Variants in ANK2 observed in about 807,000 individuals in gnomAD.
The protein encoded by ANK2 is ankyrin 2, also known as ankyrin-2.
ANK2 carries 83 observed loss-of-function variants against 360.5 expected under a neutral mutation model. That is an observed-to-expected ratio of 0.23 (90% CI 0.19 to 0.28). ANK2 has a LOEUF of 0.28. Among genes scored for constraint, ANK2 ranks in the 10% least tolerant of loss-of-function variants. ANK2 has a pLI of 1.00. For missense variants in ANK2, 4,201 were observed against 4,795.7 expected, an observed-to-expected ratio of 0.88 and a Z score of 3.66; for synonymous variants, 1,740 against 1,759.5, an observed-to-expected ratio of 0.99 and a Z score of 0.28.
rs183690294 is a variant in ANK2 at position 113,282,992 on chromosome 4, A to G, written c.2079+120A>G. 6.6e-5 allele frequency: 74 copies of G among 1,125,228 alleles called. No homozygotes were observed. In the African/African-American group the frequency reaches 9.7e-4, roughly 15 times the overall value. The allele number at this position is 1,125,228 out of a possible 1,614,324, so 69.7% of individuals were successfully genotyped here. A position where few individuals can be genotyped will look rare whatever the true frequency, so the allele number is the denominator to read the frequency against. On this transcript the variant is annotated intron_variant, in intron 18 of 45. Transcript: ENST00000357077. ...TTAAAAAGAAACAGGGATATCTTAC[A>G]GACCCCAAGGACAGGAAGGGAGTCA...
chr4:112,990,190 G>T (rs1169607418), intron 2 of ANK2, among the ~76,000 whole-genome samples: 11 of 152,108 alleles, frequency 7.2e-5, no homozygotes, highest in Admixed American at 7.2e-4. Context: ...GACAGCTTGA[G>T]CCCAAGACTT....
intron 2 of ANK2, among the ~76,000 whole-genome samples, chr4:112,999,528 T>C (rs1295986808): frequency 1.3e-5 from 2 of 152,154 alleles, no homozygotes; most frequent in East Asian, 3.8e-4. Context: ...AGTGTATATA[T>C]ACTTTTGAAA....
chr4:113,332,164 G>T lies in ANK2; in HGVS notation c.3224+94G>T, dbSNP rs956997662. On this transcript the variant is annotated intron_variant, in intron 28 of 45. Coordinates refer to ENST00000357077, the MANE Select transcript of ANK2 (RefSeq NM_001148.6). ...TTCTCTTTTTTGTCATTGTGCCCAT[G>T]ACATGTCCCTTTCTATGATTTAAAT... is the stretch of plus-strand genomic sequence containing the variant. 3.6e-6 allele frequency: 4 copies of T among 1,101,360 alleles called. No homozygotes were observed. In the African/African-American group the frequency reaches 6.2e-5, roughly 17 times the overall value. The allele number at this position is 1,101,360 out of a possible 1,614,324, so 68.2% of individuals were successfully genotyped here.
intron 1 of ANK2, among the ~76,000 whole-genome samples, chr4:112,851,047 C>T (rs1170961685): frequency 6.6e-6 from 1 of 152,176 alleles, no homozygotes; most frequent in Non-Finnish European, 1.5e-5. Context: ...CACTCGTCCT[C>T]TATACCTGAG....
intron 4 of ANK2, among the ~76,000 whole-genome samples, chr4:113,208,021 G>T (rs923075634): frequency 6.6e-6 from 1 of 152,176 alleles, no homozygotes; most frequent in Non-Finnish European, 1.5e-5. Flanking sequence ...ACATCCAGGG[G>T]AAATGCAGTG....
chr4:113,199,796 T>C (rs1412983177), intron 4 of ANK2, among the ~76,000 whole-genome samples: 1 of 152,178 alleles, frequency 6.6e-6, no homozygotes, highest in Admixed American at 6.5e-5. Flanking sequence ...TAGGGTTTTC[T>C]CCTTTGCCTT....
Position 113,255,898 on chromosome 4 carries a change from T to C in ANK2, c.1154T>C (p.Leu385Ser). 6.2e-7 allele frequency: 1 copy of C among 1,614,202 alleles called. No homozygotes were observed. Among genetic ancestry groups the C allele is most frequent in the Non-Finnish European group, 8.5e-7 (1 of 1,180,038 alleles). ...CGHYRVTKLLLDKRANPNARA... is the reference protein window; with the variant it reads ...CGHYRVTKLLSDKRANPNARA... ...CACTACCGTGTAACCAAACTCCTTT[T>C]AGACAAGAGAGCCAATCCGAACGCC... Residue 385 changes from leucine to serine, a missense_variant, in exon 11 of 46, where the codon TTA (leucine) becomes TCA (serine). Around this residue, in one of 4 missense-constraint regions of ANK2, gnomAD observed 1,268 missense variants for 1,650.8 expected, o/e 0.77. Coordinates refer to ENST00000357077, the MANE Select transcript of ANK2 (RefSeq NM_001148.6).
chr4:112,955,698 T>C (rs143771913), intron 2 of ANK2, among the ~76,000 whole-genome samples: 47 of 152,324 alleles, frequency 3.1e-4, no homozygotes, highest in Admixed American at 2.2e-3. Context: ...TATGTTGTAA[T>C]ATGCCAGGAA....
chr4:113,183,126 C>G (rs2098449931), intron 2 of ANK2, among the ~76,000 whole-genome samples: 1 of 151,704 alleles, frequency 6.6e-6, no homozygotes, highest in African/African-American at 2.4e-5. Flanking sequence ...GGGTGCCGTG[C>G]TGGGAGCTGG....
At chr4:112,875,035 A>C (rs2074570393) in intron 1 of ANK2, among the ~76,000 whole-genome samples, 1 of 151,268 alleles carries the variant, frequency 6.6e-6, no homozygotes, top group Admixed American at 6.6e-5. Flanking sequence ...CAATTCCCTA[A>C]TTACTTTTTT....
intron 4 of ANK2, among the ~76,000 whole-genome samples, chr4:113,202,169 A>G (rs2098838851): frequency 6.6e-6 from 1 of 152,176 alleles, no homozygotes; most frequent in Admixed American, 6.5e-5. Context: ...ATTTTATAAT[A>G]TAATGATTAA....
At chr4:113,207,395 G>T (rs1435462332) in intron 4 of ANK2, among the ~76,000 whole-genome samples, 1 of 152,098 alleles carries the variant, frequency 6.6e-6, no homozygotes, top group Non-Finnish European at 1.5e-5. Context: ...CATTTTAAAG[G>T]AACTAAATTT....
At chr4:113,342,672 C>T (rs564001443) in intron 33 of ANK2, among the ~76,000 whole-genome samples, 1 of 151,896 alleles carries the variant, frequency 6.6e-6, no homozygotes, top group African/African-American at 2.4e-5. Flanking sequence ...TGCACTCCAG[C>T]CTGGGCAACA....
At chr4:112,914,371 C>A (rs981717096) in intron 2 of ANK2, among the ~76,000 whole-genome samples, 58 of 152,238 alleles carry the variant, frequency 3.8e-4, no homozygotes, top group African/African-American at 1.3e-3. Context: ...CGGTAATCCC[C>A]GTACTTTGGG....
At chr4:113,172,813 C>T (rs1238888852) in intron 1 of ANK2, among the ~76,000 whole-genome samples, 1 of 152,080 alleles carries the variant, frequency 6.6e-6, no homozygotes, top group Non-Finnish European at 1.5e-5. Flanking sequence ...TAACATAATA[C>T]ACAGTATTAT....
At chr4:113,228,390 T>C (rs1207997012) in intron 4 of ANK2, among the ~76,000 whole-genome samples, 1 of 152,176 alleles carries the variant, frequency 6.6e-6, no homozygotes, top group African/African-American at 2.4e-5. Flanking sequence ...CTTATGGCTT[T>C]GTATCCTCAT....
At chr4:112,878,155 C>CATCTATCTATTTATCT (rs1553962686) in intron 1 of ANK2, among the ~76,000 whole-genome samples, 7 of 147,532 alleles carry the variant, frequency 4.7e-5, no homozygotes, top group African/African-American at 1.8e-4. Flanking sequence ...ACTTTAGACT[C>CATCTATCTATTTATCT]ATCTATCTAT....
At chr4:112,775,025 C>T in the ANK2 span, among the ~76,000 whole-genome samples, 6 of 152,108 alleles carry the variant, frequency 3.9e-5, no homozygotes, top group Non-Finnish European at 8.8e-5. Context: ...CCCCTCTTCT[C>T]GTGGGTTTTG....
At chr4:112,844,924 T>C (rs78005994) in intron 1 of ANK2, among the ~76,000 whole-genome samples, 2,680 of 152,286 alleles carry the variant, frequency 0.018, 86 homozygotes, top group African/African-American at 0.059. Flanking sequence ...GTTTGCTGTG[T>C]AATATAAGGA....
Sources: allele counts gnomAD v4.1 joint callset (sites outside exome capture counted in the v4.1 genomes callset), GRCh38; gene constraint gnomAD v4.1.1; regional missense constraint gnomAD v4.1.1; transcripts MANE v1.5; gene names NCBI Gene and HGNC (gene_info 2026-07-23, HGNC 2026-07-21).